SLC35F3: variants seen among roughly 807,000 people sequenced by gnomAD.
SLC35F3 encodes solute carrier family 35 member F3.
SLC35F3 carries 25 observed loss-of-function variants against 49.9 expected under a neutral mutation model. The observed-to-expected ratio is 0.50, with a 90% CI of 0.37 to 0.70. SLC35F3 has a LOEUF of 0.70. Ranked by LOEUF, SLC35F3 falls within the 30% of genes least tolerant of loss-of-function variation. The pLI is 0.00. For synonymous variants in SLC35F3, 275 were observed against 265.4 expected, an observed-to-expected ratio of 1.04 and a Z score of -0.35; for missense variants, 525 against 639.8, an observed-to-expected ratio of 0.82 and a Z score of 1.94.
At chr1:234,098,765 TTGG>T (rs1174451897) in intron 2 of SLC35F3, among the ~76,000 whole-genome samples, 55 of 146,602 alleles carry the variant, frequency 3.8e-4, no homozygotes, top group African/African-American at 1.1e-3. Context: ...GGTGACTGTG[TTGG>T]TGGTGGTGGT....
At chr1:234,230,745 TGTG>T (rs1667354456) in intron 2 of SLC35F3, among the ~76,000 whole-genome samples, 1 of 152,178 alleles carries the variant, frequency 6.6e-6, no homozygotes, top group Non-Finnish European at 1.5e-5. Context: ...TGCCAGAGGT[TGTG>T]GTTTTTAAGT....
intron 2 of SLC35F3, among the ~76,000 whole-genome samples, chr1:233,906,786 T>C (rs1661785076): frequency 6.6e-6 from 1 of 152,246 alleles, no homozygotes; most frequent in African/African-American, 2.4e-5. Flanking sequence ...TTTAGATTAT[T>C]CCTAAAACCT....
chr1:234,036,756 A>G (rs1038590200), intron 2 of SLC35F3, among the ~76,000 whole-genome samples: 9 of 152,322 alleles, frequency 5.9e-5, no homozygotes, highest in African/African-American at 2.2e-4. Flanking sequence ...TCTTTATTTT[A>G]GTGCCACCTC....
chr1:233,956,630 G>A (rs2102808450), intron 2 of SLC35F3, among the ~76,000 whole-genome samples: 1 of 152,336 alleles, frequency 6.6e-6, no homozygotes, highest in African/African-American at 2.4e-5. Flanking sequence ...GGGAAAGAGG[G>A]CAACAGGGGA....
chr1:234,209,840 GA>G (rs903140030), intron 2 of SLC35F3, among the ~76,000 whole-genome samples: 13 of 150,028 alleles, frequency 8.7e-5, no homozygotes, highest in African/African-American at 2.9e-4. Flanking sequence ...AGCTGCATGT[GA>G]AAAAAAAAGG....
chr1:233,988,256 A>G (rs1453412632), intron 2 of SLC35F3, among the ~76,000 whole-genome samples: 1 of 152,220 alleles, frequency 6.6e-6, no homozygotes, highest in Non-Finnish European at 1.5e-5. Context: ...TTCTCCAGAA[A>G]GCAATCATCC....
At chr1:233,961,455 C>CTTTTTTTTT (rs35494872) in intron 2 of SLC35F3, among the ~76,000 whole-genome samples, 4 of 130,458 alleles carry the variant, frequency 3.1e-5, no homozygotes, top group Non-Finnish European at 3.2e-5. Flanking sequence ...TTTTTCCTCT[C>CTTTTTTTTT]TTTTTTTTTT....
rs1269835584 is a variant in SLC35F3, at chr1:234,309,251, C to T, written c.759C>T (p.Phe253=). ...ACACTACGGATGTCTCCGTGTTGTT[C>T]TGCTGCAACAAAGCTTTTGTGTTCT... ...KINTTDVSVL[F]CCNKAFVFLL... Residue 253 remains phenylalanine (F), a synonymous_variant, in exon 4 of 8, where the codon TTC becomes TTT. Transcript: ENST00000366618. 2 of 1,614,088 alleles carry T rather than the reference C, an allele frequency of 1.2e-6. No homozygotes were observed. The highest frequency in any genetic ancestry group is 1.3e-5 in the African/African-American group (1 of 74,930).
chr1:234,296,614 A>G (rs938025252), intron 3 of SLC35F3, among the ~76,000 whole-genome samples: 6 of 152,210 alleles, frequency 3.9e-5, no homozygotes, highest in Admixed American at 3.9e-4. Context: ...AGAGCTCAGA[A>G]TCACTTCACT....
intron 2 of SLC35F3, among the ~76,000 whole-genome samples, chr1:233,956,952 C>A (rs563225336): frequency 6.6e-6 from 1 of 152,342 alleles, no homozygotes; most frequent in East Asian, 1.9e-4. Context: ...AAATGGCAAG[C>A]CGTGACCATG....
In SLC35F3 at chr1:234,320,670, A is replaced by G. The variant is rs150942813; in HGVS notation, c.1237+483A>G. 1.3e-4 allele frequency among the ~76,000 whole-genome samples: 20 copies of G among 152,298 alleles called. No homozygotes were observed. Among genetic ancestry groups the G allele is most frequent in the African/African-American group, 4.3e-4 (18 of 41,582 alleles). ...GTAGAAACATGCTGACAAGCTGAAG[A>G]AGCGTGAACGGCATTTTCCCTGACC... On this transcript the variant is annotated intron_variant, in intron 7 of 7. Coordinates refer to ENST00000366618, the MANE Select transcript of SLC35F3 (RefSeq NM_173508.4). This position sits in a 1 kb window ranked among gnomAD's most constrained non-coding sequence, Gnocchi z 4.8.
chr1:234,032,418 A>G (rs1341297339), intron 2 of SLC35F3, among the ~76,000 whole-genome samples: 1 of 152,120 alleles, frequency 6.6e-6, no homozygotes, highest in Non-Finnish European at 1.5e-5. Flanking sequence ...GTTTGGTAAC[A>G]TGAACAAGTT....
At chr1:234,151,294 A>G (rs1666073075) in intron 2 of SLC35F3, among the ~76,000 whole-genome samples, 2 of 152,090 alleles carry the variant, frequency 1.3e-5, no homozygotes, top group African/African-American at 4.8e-5. Flanking sequence ...CAGTGGAGCT[A>G]GCATGACTTT....
chr1:234,297,921 G>C (rs1043906153), intron 3 of SLC35F3, among the ~76,000 whole-genome samples: 5 of 152,150 alleles, frequency 3.3e-5, no homozygotes, highest in African/African-American at 1.2e-4. Context: ...TACTCATACT[G>C]TGGCATATAC....
chr1:233,933,353 C>CT (rs902177991), intron 2 of SLC35F3, among the ~76,000 whole-genome samples: 27 of 151,216 alleles, frequency 1.8e-4, no homozygotes, highest in Middle Eastern at 6.8e-3. Flanking sequence ...TATTTTTTAA[C>CT]TTTTTTTTTC....
intron 2 of SLC35F3, among the ~76,000 whole-genome samples, chr1:234,089,026 T>G (rs914855569): frequency 3.3e-5 from 5 of 152,112 alleles, no homozygotes; most frequent in African/African-American, 1.2e-4. Context: ...CCCCCCAGAG[T>G]GCTGGGATTA....
intron 2 of SLC35F3, among the ~76,000 whole-genome samples, chr1:233,997,472 G>GA (rs1403024945): frequency 6.6e-6 from 1 of 152,104 alleles, no homozygotes; most frequent in Admixed American, 6.5e-5. Context: ...TTGTGGTTTT[G>GA]ATTTGCATTT....
intron 3 of SLC35F3, among the ~76,000 whole-genome samples, chr1:234,277,983 A>G (rs1358569008): frequency 6.6e-6 from 1 of 152,180 alleles, no homozygotes; most frequent in Non-Finnish European, 1.5e-5. Context: ...GGCTTAAGCC[A>G]AGGAGTATAC....
intron 2 of SLC35F3, among the ~76,000 whole-genome samples, chr1:234,081,769 ACT>A (rs775070593): frequency 2.0e-5 from 3 of 148,348 alleles, no homozygotes; most frequent in Non-Finnish European, 3.0e-5. Context: ...ACAGAGTCTC[ACT>A]CTGTTGCCCA....
Sources: allele counts gnomAD v4.1 joint callset (sites outside exome capture counted in the v4.1 genomes callset), GRCh38; gene constraint gnomAD v4.1.1; non-coding constraint Gnocchi (gnomAD v3.1); transcripts MANE v1.5; gene names NCBI Gene and HGNC (gene_info 2026-07-23, HGNC 2026-07-21).